Variants in TMCC1 observed in about 807,000 individuals in gnomAD.
The protein encoded by TMCC1 is transmembrane and coiled-coil domains protein 1.
In TMCC1, 15 loss-of-function variants were observed where a neutral mutation model predicts 52.4. The ratio of observed to expected loss-of-function variants is 0.29; its 90% confidence interval spans 0.19 to 0.44. The LOEUF (loss-of-function observed/expected upper bound fraction) is 0.44. Ranked by LOEUF, TMCC1 falls within the 20% of genes least tolerant of loss-of-function variation. The probability of loss-of-function intolerance (pLI) is 1.00; values close to 1 mark genes in which losing one functional copy is unlikely to be tolerated. For missense variants in TMCC1, 503 were observed against 806.0 expected (o/e 0.62, Z 4.55); for synonymous variants, 279 against 301.9 (o/e 0.92, Z 0.79).
chr3:129,718,357 G>A (rs1396179455), intron 4 of TMCC1, among the ~76,000 whole-genome samples: 1 of 152,184 alleles, frequency 6.6e-6, no homozygotes, highest in Non-Finnish European at 1.5e-5. Context: ...GTGAAGTATT[G>A]CAAGTATCCA....
chr3:129,711,825 C>CA (rs1161859914), intron 4 of TMCC1, among the ~76,000 whole-genome samples: 12 of 19,890 alleles, frequency 6.0e-4, no homozygotes, highest in Admixed American at 1.8e-3. Flanking sequence ...CCCGTCTCTA[C>CA]TAAAAAAAAA....
intron 2 of TMCC1, among the ~76,000 whole-genome samples, chr3:129,875,490 CAA>C (rs370431347): frequency 2.3e-4 from 4 of 17,328 alleles, no homozygotes; most frequent in African/African-American, 3.2e-4. Context: ...GACTCCATCT[CAA>C]AAAAAAAAAA....
At chr3:129,854,398 G>GAAA (rs71155578) in intron 2 of TMCC1, among the ~76,000 whole-genome samples, 9 of 146,782 alleles carry the variant, frequency 6.1e-5, no homozygotes, top group East Asian at 6.0e-4. Flanking sequence ...AAAAAAAAAA[G>GAAA]AAAAAAAAAA....
intron 4 of TMCC1, among the ~76,000 whole-genome samples, chr3:129,721,443 G>A (rs1271428695): frequency 6.6e-6 from 1 of 151,892 alleles, no homozygotes; most frequent in Admixed American, 6.6e-5. Flanking sequence ...ACCCTGCCCC[G>A]GGATTCAAGT....
At chr3:129,689,596 C>A (rs758130331) in intron 4 of TMCC1, among the ~76,000 whole-genome samples, 12 of 152,104 alleles carry the variant, frequency 7.9e-5, no homozygotes, top group African/African-American at 2.9e-4. Context: ...AATTTCTTTA[C>A]TTCTAGTTAA....
intron 4 of TMCC1, among the ~76,000 whole-genome samples, chr3:129,751,887 T>C (rs1314134916): frequency 2.6e-5 from 4 of 152,160 alleles, no homozygotes; most frequent in Non-Finnish European, 5.9e-5. Flanking sequence ...ATCTTCAACA[T>C]TCATACTGAA....
intron 5 of TMCC1, among the ~76,000 whole-genome samples, chr3:129,665,411 G>A (rs2087371675): frequency 6.6e-6 from 1 of 152,184 alleles, no homozygotes; most frequent in South Asian, 2.1e-4. Flanking sequence ...CACATTAAGC[G>A]AAGGACATTA....
chr3:129,776,762 G>T (rs992087528), intron 4 of TMCC1, among the ~76,000 whole-genome samples: 1 of 152,030 alleles, frequency 6.6e-6, no homozygotes, highest in African/African-American at 2.4e-5. Context: ...CAAGTAGCTG[G>T]GACTACAGGT....
intron 2 of TMCC1, among the ~76,000 whole-genome samples, chr3:129,835,807 A>G (rs1411112404): frequency 6.6e-6 from 1 of 152,188 alleles, no homozygotes; most frequent in African/African-American, 2.4e-5. Flanking sequence ...CAAACACACT[A>G]AATAGAAAGG....
intron 4 of TMCC1, among the ~76,000 whole-genome samples, chr3:129,747,271 C>T (rs1444787595): frequency 6.6e-6 from 1 of 152,006 alleles, no homozygotes; most frequent in African/African-American, 2.4e-5. Context: ...TGCATTCTTT[C>T]TCCCGAAAAA....
intron 4 of TMCC1, among the ~76,000 whole-genome samples, chr3:129,768,661 A>G (rs1032541005): frequency 6.6e-6 from 1 of 152,220 alleles, no homozygotes; most frequent in African/African-American, 2.4e-5. Flanking sequence ...TACATCCCAC[A>G]AGAGAAAATG....
rs746347690 is a variant in TMCC1, at chr3:129,815,568, CT to C, written c.576+12234del. On this transcript the variant is annotated intron_variant, in intron 4 of 6. Transcript: ENST00000393238. ...CCACCTGCAGAATGGAACTACACCC[CT>C]ATCTCTGAACATATACAAAAATCAA... Among the ~76,000 whole-genome samples the C allele has an allele frequency of 4.6e-5, 7 of 152,266 alleles. No homozygotes were observed. The East Asian group carries it at 1.3e-3, about 29-fold the overall frequency.
At chr3:129,815,784 G>A (rs1259578783) in intron 4 of TMCC1, among the ~76,000 whole-genome samples, 1 of 152,008 alleles carries the variant, frequency 6.6e-6, no homozygotes, top group African/African-American at 2.4e-5. Flanking sequence ...GCACAGCAAA[G>A]GAAACAATCA....
At chr3:129,689,164 T>G (rs933343197) in intron 4 of TMCC1, among the ~76,000 whole-genome samples, 1 of 152,194 alleles carries the variant, frequency 6.6e-6, no homozygotes, top group African/African-American at 2.4e-5. Context: ...AAAATCGTAT[T>G]CACTATGGAC....
intron 4 of TMCC1, among the ~76,000 whole-genome samples, chr3:129,704,363 T>C (rs112506163): frequency 2.0e-5 from 3 of 152,272 alleles, no homozygotes; most frequent in African/African-American, 7.2e-5. Context: ...CCATATACAG[T>C]ATTCATATGC....
intron 4 of TMCC1, among the ~76,000 whole-genome samples, chr3:129,695,271 G>GA (rs757455182): frequency 6.6e-6 from 1 of 152,034 alleles, no homozygotes; most frequent in Non-Finnish European, 1.5e-5. Context: ...TGGACCCTTT[G>GA]AAGTTATCTG....
chr3:129,842,477 A>AACACAC (rs61106930), intron 2 of TMCC1, among the ~76,000 whole-genome samples: 146 of 147,742 alleles, frequency 9.9e-4, no homozygotes, highest in African/African-American at 2.9e-3. Context: ...AAAAAAACAA[A>AACACAC]ACACACACAC....
intron 5 of TMCC1, among the ~76,000 whole-genome samples, chr3:129,658,162 T>C (rs1237885763): frequency 6.6e-6 from 1 of 152,188 alleles, no homozygotes; most frequent in Non-Finnish European, 1.5e-5. Flanking sequence ...CACAGAAACA[T>C]TAGAACATAA....
chr3:129,838,715 T>G (rs2059280466), intron 2 of TMCC1, among the ~76,000 whole-genome samples: 1 of 114,214 alleles, frequency 8.8e-6, no homozygotes. Context: ...ATCGCGCCAA[T>G]GCACTCTAGC....
Sources: gnomAD v4.1 joint callset for allele counts (sites outside exome capture counted in the v4.1 genomes callset) on GRCh38, gnomAD v4.1.1 for gene constraint, MANE v1.5 for transcripts, NCBI Gene and HGNC (gene_info 2026-07-23, HGNC 2026-07-21) for gene names.